PRMT8: variants seen among roughly 807,000 people sequenced by gnomAD.
PRMT8 encodes the protein protein arginine methyltransferase 8, also known as protein arginine N-methyltransferase 8.
A neutral mutation model predicts 47.1 loss-of-function variants in PRMT8; 7 were observed. That is an observed-to-expected ratio of 0.15 (90% confidence interval 0.08 to 0.28). The LOEUF (loss-of-function observed/expected upper bound fraction) is 0.28. PRMT8 is among the 10% of genes least tolerant of loss of function. PRMT8 has a pLI of 1.00. For synonymous variants in PRMT8, 188 were observed against 186.5 expected (o/e 1.01, Z -0.07); for missense variants, 237 against 505.4 (o/e 0.47, Z 5.09).
intron 2 of PRMT8, among the ~76,000 whole-genome samples, chr12:3,543,414 T>C (rs1866268218): frequency 6.6e-6 from 1 of 152,204 alleles, no homozygotes; most frequent in Admixed American, 6.5e-5. Context: ...ATCGTGGTGA[T>C]GCCCTTGCCT....
At chr12:3,478,896 A>T (rs1865244716) in intron 1 of PRMT8, among the ~76,000 whole-genome samples, 1 of 152,234 alleles carries the variant, frequency 6.6e-6, no homozygotes, top group Admixed American at 6.5e-5. Flanking sequence ...AGTTAGTTTT[A>T]AAAAATAAAA....
At chr12:3,438,383 A>G (rs1864766897) in intron 1 of PRMT8, among the ~76,000 whole-genome samples, 1 of 152,246 alleles carries the variant, frequency 6.6e-6, no homozygotes, top group African/African-American at 2.4e-5. Context: ...TCCTTAGGGC[A>G]CGTGGGGTCG....
intron 1 of PRMT8, among the ~76,000 whole-genome samples, chr12:3,523,822 C>T: frequency 6.6e-6 from 1 of 152,234 alleles, no homozygotes; most frequent in East Asian, 1.9e-4. Context: ...AGGTCAAGTT[C>T]TAGAGCAATC....
At chr12:3,429,553 A>G (rs1001667225) in intron 1 of PRMT8, among the ~76,000 whole-genome samples, 1 of 152,242 alleles carries the variant, frequency 6.6e-6, no homozygotes, top group Non-Finnish European at 1.5e-5. Flanking sequence ...CAGAGTATCA[A>G]GAAATCCAAG....
chr12:3,475,898 A>G (rs1162141616), intron 1 of PRMT8, among the ~76,000 whole-genome samples: 1 of 152,212 alleles, frequency 6.6e-6, no homozygotes, highest in African/African-American at 2.4e-5. Context: ...GGGTCTGAGG[A>G]GTCAGGAATT....
chr12:3,412,745 A>C (rs1263502723), intron 1 of PRMT8, among the ~76,000 whole-genome samples: 1 of 152,134 alleles, frequency 6.6e-6, no homozygotes, highest in Non-Finnish European at 1.5e-5. Flanking sequence ...GGCCATGTGG[A>C]GATAACTGAA....
At chr12:3,468,026 T>C (rs61909521) in intron 1 of PRMT8, among the ~76,000 whole-genome samples, 205 of 152,322 alleles carry the variant, frequency 1.3e-3, no homozygotes, top group Non-Finnish European at 2.4e-3. Flanking sequence ...CCTCCTGAAT[T>C]AAAAACCATC....
intron 1 of PRMT8, among the ~76,000 whole-genome samples, chr12:3,398,198 G>C (rs1864280917): frequency 6.6e-6 from 1 of 152,160 alleles, no homozygotes; most frequent in African/African-American, 2.4e-5. Flanking sequence ...CTGTAGACTG[G>C]AGCTGTTCCT....
chr12:3,431,104 G>T (rs893244143), intron 1 of PRMT8, among the ~76,000 whole-genome samples: 2 of 151,710 alleles, frequency 1.3e-5, no homozygotes, highest in African/African-American at 2.4e-5. Context: ...GTCATGCTAA[G>T]GAATTTAGAT....
chr12:3,593,049 C>G lies in PRMT8; in HGVS notation c.1102-50C>G. 1 of 1,483,664 alleles carries G rather than the reference C, an allele frequency of 6.7e-7. No homozygotes were observed. Among genetic ancestry groups the G allele is most frequent in the South Asian group, 1.1e-5 (1 of 87,352 alleles). 91.9% of individuals were successfully genotyped at this position (1,483,664 alleles called of 1,614,324 possible). ...GTGGTGCCAGAGAGTGGGGCTGTGG[C>G]TTCATACCCAGACGGCCGCCTGACC... On this transcript the variant is annotated intron_variant, in intron 9 of 9. Coordinates refer to ENST00000382622, the MANE Select transcript of PRMT8 (RefSeq NM_019854.5). The surrounding 1 kb of genome is among the most constrained non-coding windows in gnomAD (Gnocchi z 4.8).
chr12:3,550,324 C>A lies in PRMT8; in HGVS notation c.417+233C>A. On this transcript the variant is annotated intron_variant, in intron 3 of 9. Transcript: ENST00000382622. This position sits in a 1 kb window ranked among gnomAD's most constrained non-coding sequence, Gnocchi z 5.1. Reference sequence around the variant, plus strand: ...ACTGACATTTGCGGAGGAACTGTGGCTTTCCTGAGACCATTCCAATGTCAT... The same window carrying A: ...ACTGACATTTGCGGAGGAACTGTGGATTTCCTGAGACCATTCCAATGTCAT... The A allele has an allele frequency of 3.9e-6, 2 of 513,168 alleles. No homozygotes were observed. Among genetic ancestry groups the A allele is most frequent in the Non-Finnish European group, 7.0e-6 (2 of 286,744 alleles). 31.8% of individuals were successfully genotyped at this position (513,168 alleles called of 1,614,324 possible).
chr12:3,393,154 T>G (rs543355786), intron 1 of PRMT8, among the ~76,000 whole-genome samples: 19 of 152,322 alleles, frequency 1.2e-4, no homozygotes, highest in East Asian at 5.8e-4. Flanking sequence ...TTTCTCCCAT[T>G]TTGTAGGTTG....
intron 8 of PRMT8, among the ~76,000 whole-genome samples, chr12:3,585,506 A>G (rs995424758): frequency 2.7e-5 from 4 of 149,738 alleles, no homozygotes; most frequent in Admixed American, 6.7e-5. Flanking sequence ...CTACAGGCAC[A>G]TGCCACCATG....
At chr12:3,532,916 C>T (rs1866056029) in intron 1 of PRMT8, among the ~76,000 whole-genome samples, 1 of 152,160 alleles carries the variant, frequency 6.6e-6, no homozygotes, top group Non-Finnish European at 1.5e-5. Context: ...CCGTAGACCC[C>T]TCTGCAAGCC....
At chr12:3,591,490 C>T (rs1036751094) in intron 8 of PRMT8, among the ~76,000 whole-genome samples, 1 of 148,624 alleles carries the variant, frequency 6.7e-6, no homozygotes, top group Non-Finnish European at 1.5e-5. Context: ...AGTCACAGCT[C>T]ACTGCAACCT....
At chr12:3,465,342 G>A (rs1028224205) in intron 1 of PRMT8, among the ~76,000 whole-genome samples, 24 of 148,296 alleles carry the variant, frequency 1.6e-4, no homozygotes, top group African/African-American at 4.7e-4. Flanking sequence ...AAATAAACCC[G>A]ACTCCTCTCT....
At position 3,462,440 on chromosome 12, in the gene PRMT8, A is replaced by G. The variant is rs114560659; in HGVS notation, c.49-78166A>G. On this transcript the variant is annotated intron_variant, in intron 1 of 9. Transcript: ENST00000452611. Reference sequence around the variant, plus strand: ...TGATTTACAGAAATAACTTAGATGAATGACTTGCTACTCATTGTTAAACTA... The same window carrying G: ...TGATTTACAGAAATAACTTAGATGAGTGACTTGCTACTCATTGTTAAACTA... 2.4e-3 allele frequency among the ~76,000 whole-genome samples: 370 copies of G among 152,140 alleles called. 11 individuals carry two copies. Among genetic ancestry groups the G allele is most frequent in the African/African-American group, 8.6e-3 (355 of 41,380 alleles).
At chr12:3,536,307 G>T (rs976904836) in intron 1 of PRMT8, among the ~76,000 whole-genome samples, 3 of 152,192 alleles carry the variant, frequency 2.0e-5, no homozygotes, top group African/African-American at 7.2e-5. Flanking sequence ...CTGCAGACCA[G>T]GGTCTGGGCC....
rs1865751073 is a variant in PRMT8, at chr12:3,514,040, G to C, written c.75+22340G>C. ...ATCAGGCAGATCCGGGCAGAGGCAGGGGGCAGGGGCAGGATTTATTGTGAT... is the reference window on the plus strand; with the variant it reads ...ATCAGGCAGATCCGGGCAGAGGCAGCGGGCAGGGGCAGGATTTATTGTGAT... On this transcript the variant is annotated intron_variant, in intron 1 of 9. Transcript: ENST00000382622. The surrounding 1 kb of genome is among the most constrained non-coding windows in gnomAD (Gnocchi z 5.9). Among the ~76,000 whole-genome samples the C allele has an allele frequency of 6.6e-6, 1 of 152,180 alleles. No individual in the cohort carries two copies. The highest frequency in any genetic ancestry group is 2.4e-5 in the African/African-American group (1 of 41,434).
Sources: allele counts gnomAD v4.1 joint callset (sites outside exome capture counted in the v4.1 genomes callset), GRCh38; gene constraint gnomAD v4.1.1; non-coding constraint Gnocchi (gnomAD v3.1); transcripts MANE v1.5; gene names NCBI Gene and HGNC (gene_info 2026-07-23, HGNC 2026-07-21).